EXOC6B: variants seen among roughly 807,000 people sequenced by gnomAD.
EXOC6B encodes the protein SEC15 homolog B.
EXOC6B carries 54 observed loss-of-function variants against 113.5 expected under a neutral mutation model. That is an observed-to-expected ratio of 0.48 (90% CI 0.38 to 0.60). The LOEUF is 0.60. EXOC6B is among the 20% of genes least tolerant of loss of function. The pLI, the probability that EXOC6B is intolerant of heterozygous loss-of-function variation, is 0.00. For synonymous variants in EXOC6B, 357 were observed against 339.0 expected, an observed-to-expected ratio of 1.05 and a Z score of -0.58; for missense variants, 797 against 977.5, an observed-to-expected ratio of 0.82 and a Z score of 2.46.
chr2:72,435,909 T>C lies in EXOC6B; in HGVS notation c.1980+29251A>G, dbSNP rs181895317. On this transcript the variant is annotated intron_variant, in intron 18 of 21. Coordinates refer to ENST00000272427, the MANE Select transcript of EXOC6B (RefSeq NM_015189.3). Reference sequence around the variant, plus strand: ...TTAGCCCATTTACATTTAAGGTTAATATTGTTATGTGTGAATTTGATCCTG... The same window carrying C: ...TTAGCCCATTTACATTTAAGGTTAACATTGTTATGTGTGAATTTGATCCTG... Among the ~76,000 whole-genome samples the C allele has an allele frequency of 2.1e-3, 322 of 152,324 alleles. 1 individual carries two copies. In the Middle Eastern group the frequency reaches 0.027, roughly 13 times the overall value.
chr2:72,757,892 G>A (rs1682522274), intron 1 of EXOC6B, among the ~76,000 whole-genome samples: 1 of 152,108 alleles, frequency 6.6e-6, no homozygotes, highest in Non-Finnish European at 1.5e-5. Flanking sequence ...CAGGCACAGT[G>A]GCTCATGCTT....
At chr2:72,782,662 TTC>T (rs1402115600) in intron 1 of EXOC6B, among the ~76,000 whole-genome samples, 8 of 152,180 alleles carry the variant, frequency 5.3e-5, no homozygotes, top group Non-Finnish European at 7.4e-5. Flanking sequence ...ATTAACCAGC[TTC>T]TTTTTATTCC....
chr2:72,525,514 A>T (rs1701709651), intron 8 of EXOC6B, among the ~76,000 whole-genome samples: 1 of 152,168 alleles, frequency 6.6e-6, no homozygotes. Flanking sequence ...ACAAAGGCAG[A>T]CTTCCTCAAT....
intron 20 of EXOC6B, among the ~76,000 whole-genome samples, chr2:72,334,701 CCTCTA>C (rs1688588592): frequency 6.6e-6 from 1 of 151,834 alleles, no homozygotes; most frequent in South Asian, 2.1e-4. Flanking sequence ...CACTTGAGTC[CCTCTA>C]CTCTGGGTCC....
intron 6 of EXOC6B, among the ~76,000 whole-genome samples, chr2:72,620,686 C>A (rs1322989415): frequency 6.6e-6 from 1 of 151,790 alleles, no homozygotes; most frequent in Admixed American, 6.6e-5. Context: ...AGCTTCCATA[C>A]AGCAAAAGAA....
chr2:72,216,852 G>C (rs766552837), intron 20 of EXOC6B, among the ~76,000 whole-genome samples: 1 of 152,022 alleles, frequency 6.6e-6, no homozygotes, highest in Non-Finnish European at 1.5e-5. Context: ...CCTGAACAAT[G>C]AGAACACATG....
At chr2:72,605,987 G>T (rs1670729712) in intron 6 of EXOC6B, among the ~76,000 whole-genome samples, 1 of 151,932 alleles carries the variant, frequency 6.6e-6, no homozygotes, top group African/African-American at 2.4e-5. Flanking sequence ...ATGACTAAAT[G>T]ACTTTAGATA....
At chr2:72,515,670 A>G in intron 8 of EXOC6B, 1 of 988,760 alleles carries the variant, frequency 1.0e-6, no homozygotes, top group Non-Finnish European at 1.2e-6. Context: ...GCACAGCCCC[A>G]CTTTTCGTTT....
intron 20 of EXOC6B, among the ~76,000 whole-genome samples, chr2:72,255,698 A>T (rs766484435): frequency 9.2e-5 from 14 of 152,212 alleles, no homozygotes; most frequent in Non-Finnish European, 1.9e-4. Flanking sequence ...CCCAGGGTGC[A>T]TCATACCCAG....
chr2:72,757,628 T>C (rs1682499553), intron 1 of EXOC6B, among the ~76,000 whole-genome samples: 1 of 152,216 alleles, frequency 6.6e-6, no homozygotes, highest in Admixed American at 6.5e-5. Flanking sequence ...ATGATTTTCA[T>C]AGCATGTACA....
intron 11 of EXOC6B, among the ~76,000 whole-genome samples, chr2:72,508,336 C>G (rs563689340): frequency 5.9e-5 from 9 of 152,022 alleles, no homozygotes; most frequent in Non-Finnish European, 1.0e-4. Context: ...ACTGCACAAC[C>G]AAATTATATC....
chr2:72,823,562 T>C (rs1282167739), intron 1 of EXOC6B, among the ~76,000 whole-genome samples: 2 of 150,856 alleles, frequency 1.3e-5, no homozygotes, highest in African/African-American at 2.4e-5. Flanking sequence ...AGCAGGTGGA[T>C]TGCTTGAACC....
chr2:72,632,913 C>T lies in EXOC6B; in HGVS notation c.670-57245G>A, dbSNP rs373850506. On this transcript the variant is annotated intron_variant, in intron 6 of 21. Coordinates refer to ENST00000272427, the MANE Select transcript of EXOC6B (RefSeq NM_015189.3). ...CTGGTCTCAACTTCAAGGCCTCAAG[C>T]GATCGTCCCACCTCAGCCTCTCTAA... Among the ~76,000 whole-genome samples, 155 of 152,198 alleles carry T rather than the reference C, an allele frequency of 1.0e-3. 1 individual carries two copies. Among genetic ancestry groups the T allele is most frequent in the South Asian group, 2.9e-3 (14 of 4,816 alleles).
rs181182127 is a variant in EXOC6B, at chr2:72,492,312, G to A, written c.1665+6C>T. On this transcript the variant is annotated splice_donor_region_variant and intron_variant, in intron 16 of 21. Coordinates refer to ENST00000272427, the MANE Select transcript of EXOC6B (RefSeq NM_015189.3). ...GCTCGGCTGCCTTCATTAGGAGCAG[G>A]TTTACCTCAGTAAGCCCAATATTCT... is the stretch of plus-strand genomic sequence containing the variant. 1.6e-5 allele frequency: 26 copies of A among 1,589,866 alleles called. No homozygotes were observed. In the South Asian group the frequency reaches 2.8e-4, roughly 17 times the overall value.
chr2:72,341,704 A>C (rs1689040984), intron 19 of EXOC6B, among the ~76,000 whole-genome samples: 2 of 152,140 alleles, frequency 1.3e-5, no homozygotes, highest in Non-Finnish European at 2.9e-5. Context: ...GAAAAGCAAT[A>C]AGAAAACATC....
chr2:72,203,283 T>C lies in EXOC6B; in HGVS notation c.2197-19096A>G, dbSNP rs556466467. On this transcript the variant is annotated intron_variant, in intron 20 of 21. Coordinates refer to ENST00000272427, the MANE Select transcript of EXOC6B (RefSeq NM_015189.3). ...GTCCCAGGCACAATATTTCAATTGG[T>C]AGTATCATAGCCTATCTTAAATTAT... 1.8e-3 allele frequency among the ~76,000 whole-genome samples: 278 copies of C among 152,344 alleles called. 3 individuals are homozygous for C. The highest frequency in any genetic ancestry group is 6.6e-3 in the African/African-American group (275 of 41,582).
chr2:72,554,076 G>A (rs1703395344), intron 8 of EXOC6B, among the ~76,000 whole-genome samples: 1 of 152,164 alleles, frequency 6.6e-6, no homozygotes. Flanking sequence ...TTTTGAAAAT[G>A]AAGCCTGCAG....
intron 20 of EXOC6B, among the ~76,000 whole-genome samples, chr2:72,189,783 C>T (rs1043974337): frequency 2.1e-5 from 3 of 145,480 alleles, no homozygotes; most frequent in Non-Finnish European, 4.5e-5. Context: ...TTCTCCTTTC[C>T]TTTCCTTTCC....
At chr2:72,179,543 A>G in intron 21 of EXOC6B, 82 bp from the exon 22 acceptor site, 1 of 1,515,900 alleles carries the variant, frequency 6.6e-7, no homozygotes, top group Non-Finnish European at 9.1e-7. Flanking sequence ...CAGGATGGCA[A>G]TGCATCTTAA....
Sources: gnomAD v4.1 joint callset for allele counts (sites outside exome capture counted in the v4.1 genomes callset) on GRCh38, gnomAD v4.1.1 for gene constraint, MANE v1.5 for transcripts, NCBI Gene and HGNC (gene_info 2026-07-23, HGNC 2026-07-21) for gene names.